Variants in CADPS2 observed in about 807,000 individuals in gnomAD.
CADPS2 encodes the protein calcium dependent secretion activator 2, also known as calcium-dependent secretion activator 2.
CADPS2 carries 93 observed loss-of-function variants against 172.5 expected under a neutral mutation model. The observed-to-expected ratio is 0.54, with a 90% CI of 0.46 to 0.64. The LOEUF (loss-of-function observed/expected upper bound fraction) is 0.64. Among genes scored for constraint, CADPS2 ranks in the 30% least tolerant of loss-of-function variants. The probability of loss-of-function intolerance (pLI) is 0.00; values close to 1 mark genes in which losing one functional copy is unlikely to be tolerated. For synonymous variants in CADPS2, 546 were observed against 555.2 expected (o/e 0.98, Z 0.23); for missense variants, 1,420 against 1,565.9 (o/e 0.91, Z 1.57).
chr7:122,512,670 A>C (rs2060086602), intron 9 of CADPS2, among the ~76,000 whole-genome samples: 1 of 152,134 alleles, frequency 6.6e-6, no homozygotes, highest in Non-Finnish European at 1.5e-5. Context: ...ATTTGCATTA[A>C]ATGGCAGCAT....
At chr7:122,697,946 G>A (rs1056514777) in intron 2 of CADPS2, 5 of 1,613,598 alleles carry the variant, frequency 3.1e-6, no homozygotes, top group Admixed American at 3.3e-5. Flanking sequence ...GTTTCAGGCA[G>A]TTCATTTGAC....
At chr7:122,336,756 C>G (rs1009898565) in intron 28 of CADPS2, among the ~76,000 whole-genome samples, 5 of 152,152 alleles carry the variant, frequency 3.3e-5, no homozygotes, top group African/African-American at 9.7e-5. Context: ...AGTTGTGTCA[C>G]CTTCCATTCA....
At chr7:122,865,178 A>G (rs1420010599) in intron 1 of CADPS2, among the ~76,000 whole-genome samples, 1 of 152,126 alleles carries the variant, frequency 6.6e-6, no homozygotes, top group East Asian at 1.9e-4. Flanking sequence ...TTCTCTCACC[A>G]TGTAATCTCT....
intron 23 of CADPS2, among the ~76,000 whole-genome samples, 163 bp downstream of exon 23, chr7:122,388,420 T>C (rs1036224476): frequency 5.3e-5 from 8 of 152,054 alleles, no homozygotes; most frequent in Admixed American, 1.3e-4. Flanking sequence ...ATCAATTACA[T>C]GGGTCCCCAG....
At chr7:122,819,868 T>A (rs1038960128) in intron 1 of CADPS2, among the ~76,000 whole-genome samples, 1 of 152,066 alleles carries the variant, frequency 6.6e-6, no homozygotes, top group East Asian at 1.9e-4. Context: ...CCCCTTACCA[T>A]CTCATTAAAA....
chr7:122,831,022 G>A (rs1264768137), intron 1 of CADPS2, among the ~76,000 whole-genome samples: 1 of 152,136 alleles, frequency 6.6e-6, no homozygotes. Context: ...ATTTAATGGA[G>A]AAATTAAAAT....
chr7:122,477,888 C>T (rs1380868807), intron 12 of CADPS2, among the ~76,000 whole-genome samples: 3 of 152,118 alleles, frequency 2.0e-5, no homozygotes, highest in Non-Finnish European at 4.4e-5. Flanking sequence ...ACTTGTTCAT[C>T]CTACACATCT....
intron 1 of CADPS2, among the ~76,000 whole-genome samples, chr7:122,749,027 G>A (rs1190499455): frequency 1.3e-5 from 2 of 152,042 alleles, no homozygotes; most frequent in African/African-American, 4.8e-5. Context: ...TTGTCTTCTA[G>A]TTTACTGCCT....
intron 24 of CADPS2, among the ~76,000 whole-genome samples, chr7:122,384,969 G>A (rs1298702202): frequency 6.6e-6 from 1 of 152,030 alleles, no homozygotes; most frequent in African/African-American, 2.4e-5. Flanking sequence ...AGGTACTGCA[G>A]TGTATGTTAA....
chr7:122,604,632 A>G (rs1587764366), intron 6 of CADPS2, among the ~76,000 whole-genome samples: 1 of 152,162 alleles, frequency 6.6e-6, no homozygotes, highest in Non-Finnish European at 1.5e-5. Flanking sequence ...TCTCCTAGAA[A>G]AGCAACCCTT....
chr7:122,533,900 C>A (rs1399533688), intron 8 of CADPS2, among the ~76,000 whole-genome samples: 1 of 152,040 alleles, frequency 6.6e-6, no homozygotes, highest in Non-Finnish European at 1.5e-5. Context: ...TGATAGAAAT[C>A]AGGTGTTCAA....
intron 1 of CADPS2, among the ~76,000 whole-genome samples, chr7:122,833,721 G>A (rs1311608111): frequency 6.6e-6 from 1 of 152,110 alleles, no homozygotes; most frequent in Non-Finnish European, 1.5e-5. Context: ...TAAGGCTGAA[G>A]AAAGAGAAGT....
intron 1 of CADPS2, among the ~76,000 whole-genome samples, chr7:122,791,130 G>C (rs1029423232): frequency 6.6e-6 from 1 of 152,176 alleles, no homozygotes; most frequent in Non-Finnish European, 1.5e-5. Context: ...TGTATCAACG[G>C]CGCGAGGAAA....
At chr7:122,730,152 T>G (rs910147271) in intron 2 of CADPS2, among the ~76,000 whole-genome samples, 1 of 151,602 alleles carries the variant, frequency 6.6e-6, no homozygotes, top group African/African-American at 2.4e-5. Context: ...TGAATCAGTA[T>G]TAAGAAAATG....
At chr7:122,725,112 G>A (rs146430822) in intron 2 of CADPS2, among the ~76,000 whole-genome samples, 14 of 152,064 alleles carry the variant, frequency 9.2e-5, no homozygotes, top group African/African-American at 3.4e-4. Context: ...AATGTGATAT[G>A]AAAATATATG....
intron 27 of CADPS2, among the ~76,000 whole-genome samples, chr7:122,349,837 C>T (rs898209522): frequency 1.3e-5 from 2 of 152,222 alleles, no homozygotes; most frequent in African/African-American, 2.4e-5. Flanking sequence ...TGCAAGTCTT[C>T]GCTTTCCCTA....
intron 19 of CADPS2, among the ~76,000 whole-genome samples, chr7:122,409,969 T>C (rs930214010): frequency 6.6e-6 from 1 of 152,218 alleles, no homozygotes; most frequent in Non-Finnish European, 1.5e-5. Context: ...GTAAATGAGA[T>C]GGCAGAGGCA....
At chr7:122,668,730 T>C (rs186292238) in intron 2 of CADPS2, among the ~76,000 whole-genome samples, 1 of 152,212 alleles carries the variant, frequency 6.6e-6, no homozygotes, top group Non-Finnish European at 1.5e-5. Flanking sequence ...TCAGGTCAAA[T>C]GAAGAGAGAT....
intron 2 of CADPS2, among the ~76,000 whole-genome samples, chr7:122,732,326 G>A (rs73222409): frequency 0.012 from 1,754 of 150,582 alleles, 15 homozygotes; most frequent in Non-Finnish European, 0.018. Context: ...TATAAGAACA[G>A]ACAGAAAACT....
Sources: allele counts gnomAD v4.1 joint callset (sites outside exome capture counted in the v4.1 genomes callset), GRCh38; gene constraint gnomAD v4.1.1; transcripts MANE v1.5; gene names NCBI Gene and HGNC (gene_info 2026-07-23, HGNC 2026-07-21).